Variants in KAT6B observed in about 807,000 individuals in gnomAD.
KAT6B encodes the protein histone acetyltransferase KAT6B.
KAT6B carries 10 observed loss-of-function variants against 187.5 expected under a neutral mutation model. That is an observed-to-expected ratio of 0.05 (90% CI 0.03 to 0.09). The LOEUF is 0.09. Ranked by LOEUF, KAT6B falls within the 10% of genes least tolerant of loss-of-function variation. The pLI, the probability that KAT6B is intolerant of heterozygous loss-of-function variation, is 1.00. For missense variants in KAT6B, 1,952 were observed against 2,558.9 expected (o/e 0.76, Z 5.12); for synonymous variants, 861 against 926.8 (o/e 0.93, Z 1.29).
intron 3 of KAT6B, among the ~76,000 whole-genome samples, chr10:74,908,814 A>C (rs1171554512): frequency 6.6e-6 from 1 of 151,170 alleles, no homozygotes; most frequent in Non-Finnish European, 1.5e-5. Flanking sequence ...TTTTTCCTTT[A>C]TAGTTTAAAA....
intron 3 of KAT6B, among the ~76,000 whole-genome samples, chr10:74,921,274 C>A (rs954749956): frequency 2.0e-5 from 3 of 151,990 alleles, no homozygotes; most frequent in African/African-American, 7.3e-5. Context: ...GCCACCACGC[C>A]CAGCTAATTT....
chr10:74,829,009 A>T lies in KAT6B; in HGVS notation c.-329+2224A>T, dbSNP rs896841099. Among the ~76,000 whole-genome samples, 16 of 129,676 alleles carry T rather than the reference A, an allele frequency of 1.2e-4. No homozygotes were observed. The East Asian group carries it at 2.4e-3, about 20-fold the overall frequency. The allele number at this position is 129,676 out of a possible 152,430, so 85.1% of individuals were successfully genotyped here. On this transcript the variant is annotated intron_variant, in intron 1 of 17. Coordinates refer to ENST00000287239, the MANE Select transcript of KAT6B (RefSeq NM_012330.4). The stretch of plus-strand genomic sequence containing the variant: ...GGTTGGAGTGGTGAAGTGATGGTTT[A>T]AAAAAAAAAAAAAAGAAAAGAAAAG...
chr10:74,863,455 C>A (rs772304045), intron 3 of KAT6B, among the ~76,000 whole-genome samples: 62 of 152,204 alleles, frequency 4.1e-4, no homozygotes, highest in Non-Finnish European at 7.2e-4. Context: ...TAATTATTTC[C>A]CATAGAATAG....
At chr10:74,993,625 TCTC>T (rs1843246405) in intron 13 of KAT6B, among the ~76,000 whole-genome samples, 1 of 152,202 alleles carries the variant, frequency 6.6e-6, no homozygotes, top group African/African-American at 2.4e-5. Context: ...AAAAGAAAAA[TCTC>T]CTACTCCAGG....
chr10:74,955,377 A>G (rs1049837407), intron 3 of KAT6B, among the ~76,000 whole-genome samples: 10 of 92,088 alleles, frequency 1.1e-4, no homozygotes, highest in Admixed American at 2.2e-4. Flanking sequence ...AAGGGACACA[A>G]TTTTATCCCC....
chr10:74,983,104 G>A (rs1244794903), intron 11 of KAT6B: 3 of 152,194 alleles, frequency 2.0e-5, no homozygotes, highest in South Asian at 2.1e-4. Context: ...CTTTCGGTAA[G>A]CTTGGAGGAA....
chr10:74,842,787 G>A lies in KAT6B; in HGVS notation c.-71G>A. 6.5e-7 allele frequency: 1 copy of A among 1,528,926 alleles called. No homozygotes were observed. The allele number at this position is 1,528,926 out of a possible 1,614,324, so 94.7% of individuals were successfully genotyped here. On this transcript the variant is annotated 5_prime_UTR_variant, in exon 3 of 18. The change creates a new upstream start codon in the 5' untranslated region. Coordinates refer to ENST00000287239, the MANE Select transcript of KAT6B (RefSeq NM_012330.4). ...GTTGAATTGTAAATGACTTTCAAAT[G>A]TGCAAGTTCTGTTAAATACAAAGAG...
At chr10:74,986,737 A>G (rs2133842874) in intron 12 of KAT6B, among the ~76,000 whole-genome samples, 1 of 152,338 alleles carries the variant, frequency 6.6e-6, no homozygotes, top group East Asian at 1.9e-4. Context: ...AAAACACCTT[A>G]CCTTTTATGT....
Position 74,981,974 on chromosome 10 carries a change from C to G in KAT6B, c.2373+46C>G, listed in dbSNP as rs368756311. 11 of 1,547,636 alleles carry G rather than the reference C, an allele frequency of 7.1e-6. No homozygotes were observed. The African/African-American group carries it at 1.5e-4, about 21-fold the overall frequency. On this transcript the variant is annotated intron_variant, in intron 11 of 17. Transcript: ENST00000287239. ...AAATTCAGCTTTTTGAAATCTAGTA[C>G]TCCTAATTGTTGACTATGTGCTGAT... is the stretch of plus-strand genomic sequence containing the variant.
chr10:74,910,167 G>A (rs755681294), intron 3 of KAT6B, among the ~76,000 whole-genome samples: 8 of 150,994 alleles, frequency 5.3e-5, no homozygotes, highest in African/African-American at 1.2e-4. Context: ...GCGTGGTGGC[G>A]CATGCCTGTA....
At chr10:75,015,660 G>C (rs12221048) in intron 13 of KAT6B, among the ~76,000 whole-genome samples, 2 of 152,130 alleles carry the variant, frequency 1.3e-5, no homozygotes, top group Non-Finnish European at 2.9e-5. Flanking sequence ...CCCTGGCCTC[G>C]TGTCTGTTCC....
intron 3 of KAT6B, among the ~76,000 whole-genome samples, chr10:74,873,199 G>A (rs904767757): frequency 4.0e-5 from 6 of 151,870 alleles, no homozygotes; most frequent in African/African-American, 2.4e-5. Context: ...GGTGGCTCAC[G>A]GCTATAATTT....
chr10:74,985,427 G>A (rs1842748258), intron 12 of KAT6B, among the ~76,000 whole-genome samples, 186 bp downstream of exon 12: 3 of 152,344 alleles, frequency 2.0e-5, no homozygotes, highest in South Asian at 2.1e-4. Flanking sequence ...CCTAGTAAGT[G>A]TGTAAAGGAC....
At chr10:74,978,311 T>C (rs1251219559) in intron 9 of KAT6B, among the ~76,000 whole-genome samples, 1 of 152,180 alleles carries the variant, frequency 6.6e-6, no homozygotes, top group Admixed American at 6.5e-5. Flanking sequence ...CCCCCAGTTA[T>C]TAAGGTTGGA....
At chr10:74,905,905 G>C (rs966190157) in intron 3 of KAT6B, among the ~76,000 whole-genome samples, 1 of 152,126 alleles carries the variant, frequency 6.6e-6, no homozygotes, top group African/African-American at 2.4e-5. Context: ...TTGCACATAA[G>C]GGCTCAAAAG....
At chr10:74,852,868 T>G (rs1311404463) in intron 3 of KAT6B, among the ~76,000 whole-genome samples, 1 of 152,214 alleles carries the variant, frequency 6.6e-6, no homozygotes, top group Non-Finnish European at 1.5e-5. Flanking sequence ...GAGTTACTCT[T>G]GTATTCCCAG....
intron 13 of KAT6B, among the ~76,000 whole-genome samples, chr10:75,000,241 G>C (rs931058936): frequency 2.0e-5 from 3 of 151,890 alleles, no homozygotes; most frequent in African/African-American, 7.3e-5. Flanking sequence ...AAGGGCTGGG[G>C]ACACAGGAAC....
At position 74,843,614 on chromosome 10, in the gene KAT6B, G is replaced by A. The variant is rs1242435175; in HGVS notation, c.621+136G>A. On this transcript the variant is annotated intron_variant, in intron 3 of 17. Transcript: ENST00000287239. ...ATGTTTTGCCTTAGAGCAGGCTTTT[G>A]TATTTTAAAATGTATATATTGTACT... 6.3e-6 allele frequency: 7 copies of A among 1,112,204 alleles called. No individual in the cohort carries two copies. In the Admixed American group the frequency reaches 1.2e-4, roughly 20 times the overall value. The allele number at this position is 1,112,204 out of a possible 1,614,324, so 68.9% of individuals were successfully genotyped here.
At chr10:74,893,190 C>A (rs1209716203) in intron 3 of KAT6B, among the ~76,000 whole-genome samples, 1 of 152,162 alleles carries the variant, frequency 6.6e-6, no homozygotes, top group African/African-American at 2.4e-5. Flanking sequence ...AGAGAGCTGG[C>A]ATGTGGACTC....
Sources: gnomAD v4.1 joint callset for allele counts (sites outside exome capture counted in the v4.1 genomes callset) on GRCh38, gnomAD v4.1.1 for gene constraint, MANE v1.5 for transcripts, NCBI Gene and HGNC (gene_info 2026-07-23, HGNC 2026-07-21) for gene names.